The following SIM2 variants were observed in gnomAD, a reference collection of about 807,000 sequenced individuals.
The protein encoded by SIM2 is single-minded homolog 2.
Under a neutral mutation model 64.8 loss-of-function variants are expected in SIM2, and 28 were observed. That is an observed-to-expected ratio of 0.43 (90% confidence interval 0.32 to 0.59). The LOEUF (loss-of-function observed/expected upper bound fraction) is 0.59. SIM2 is among the 20% of genes least tolerant of loss of function. SIM2 has a pLI of 0.07. For missense variants in SIM2, 847 were observed against 871.4 expected, an observed-to-expected ratio of 0.97 and a Z score of 0.35; for synonymous variants, 408 against 391.1, an observed-to-expected ratio of 1.04 and a Z score of -0.51.
chr21:36,729,699 C>T (rs1004626495), intron 6 of SIM2, among the ~76,000 whole-genome samples: 9 of 151,976 alleles, frequency 5.9e-5, no homozygotes. Context: ...GGAATCCCTT[C>T]ATCCCTCTCT....
Position 36,748,069 on chromosome 21 carries a change from G to C in SIM2, c.1981G>C (p.Val661Leu). 2.5e-6 allele frequency: 3 copies of C among 1,205,174 alleles called. No individual in the cohort carries two copies. Among genetic ancestry groups the C allele is most frequent in the Non-Finnish European group, 3.1e-6 (3 of 970,746 alleles). 74.7% of individuals were successfully genotyped at this position (1,205,174 alleles called of 1,614,324 possible). A position where few individuals can be genotyped will look rare whatever the true frequency, so the allele number is the denominator to read the frequency against. The change falls in exon 11 of 11, where the codon GTC (valine) becomes CTC (leucine). Residue 661 changes from valine (V) to leucine (L), a missense_variant. Around this residue, in one of 3 missense-constraint regions of SIM2, gnomAD observed 447 missense variants for 414.6 expected, o/e 1.08. Transcript: ENST00000290399. ...CCTGCCGCACTACCTGGGCGCCTCG[G>C]TCATCATCACCAACGGGAGGTGACC... ...APLPHYLGAS[V>L]IITNGR
chr21:36,735,077 C>T (rs113087316), intron 7 of SIM2, among the ~76,000 whole-genome samples: 204 of 152,290 alleles, frequency 1.3e-3, no homozygotes, highest in South Asian at 2.7e-3. Flanking sequence ...TGGCGCTCAA[C>T]GCCGGGGATA....
Position 36,709,174 on chromosome 21 carries a change from G to T in SIM2, c.182G>T (p.Gly61Val). 6.2e-7 allele frequency: 1 copy of T among 1,608,976 alleles called. No individual in the cohort carries two copies. The highest frequency in any genetic ancestry group is 8.5e-7 in the Non-Finnish European group (1 of 1,178,346). The change falls in exon 2 of 11, where the codon GGA becomes GTA. Residue 61 changes from glycine (G) to valine (V), a missense_variant. By Grantham distance (109) the Gly-to-Val change is moderately radical. This residue lies in a region of SIM2 where 397 missense variants were observed against 439.2 expected (regional missense o/e 0.90). Transcript: ENST00000290399. Reference sequence around the variant, plus strand: ...GCTTTCGTCCCTCGTCCAGGTTTAGGAGACGCGTGGGGACAGCCGAGCCGC... The same window carrying T: ...GCTTTCGTCCCTCGTCCAGGTTTAGTAGACGCGTGGGGACAGCCGAGCCGC... ...KMRAVFPEGL[G>V]DAWGQPSRAG...
In SIM2 at chr21:36,747,993, G is replaced by C. The variant is rs1447265747; in HGVS notation, c.1905G>C (p.Ala635=). 2.2e-5 allele frequency: 24 copies of C among 1,087,590 alleles called. No individual in the cohort carries two copies. The highest frequency in any genetic ancestry group is 2.6e-5 in the Non-Finnish European group (23 of 897,378). The allele number at this position is 1,087,590 out of a possible 1,614,324, so 67.4% of individuals were successfully genotyped here. ...GCGGCCCCGAGGCGGCGACCGGCGCGCTGCGGCTCCGGCACCCGAGCCCCG... is the reference window on the plus strand; with the variant it reads ...GCGGCCCCGAGGCGGCGACCGGCGCCCTGCGGCTCCGGCACCCGAGCCCCG... ...APGGPEAATG[A]LRLRHPSPAA... is the part of the protein sequence containing the mutation. The change falls in exon 11 of 11, where the codon GCG becomes GCC. Residue 635 remains alanine (A), a synonymous_variant. Transcript: ENST00000290399. This position sits in a 1 kb window ranked among gnomAD's most constrained non-coding sequence, Gnocchi z 4.5.
At chr21:36,736,841 CTTT>C in intron 7 of SIM2, among the ~76,000 whole-genome samples, 1 of 69,292 alleles carries the variant, frequency 1.4e-5, no homozygotes, top group South Asian at 5.1e-4. Context: ...CTTTCTTTCT[CTTT>C]CTTTTCTTTC....
Position 36,745,280 on chromosome 21 carries a change from C to CT in SIM2, c.1576+145dup. The CT allele has an allele frequency of 1.4e-6, 2 of 1,458,304 alleles. No homozygotes were observed. 90.3% of individuals were successfully genotyped at this position (1,458,304 alleles called of 1,614,324 possible). On this transcript the variant is annotated intron_variant, in intron 10 of 10. Coordinates refer to ENST00000290399, the MANE Select transcript of SIM2 (RefSeq NM_005069.6). The surrounding 1 kb of genome is among the most constrained non-coding windows in gnomAD (Gnocchi z 4.8). ...TCTTTCTGCTTCTAAGTAGGGCTTGCTGTGCTTTCTTGCTCTCAATGCAGG... is the reference window on the plus strand; with the variant it reads ...TCTTTCTGCTTCTAAGTAGGGCTTGCTTGTGCTTTCTTGCTCTCAATGCAGG...
Position 36,743,523 on chromosome 21 carries a change from A to G in SIM2, c.1135A>G (p.Thr379Ala). The G allele has an allele frequency of 6.2e-7, 1 of 1,614,034 alleles. No individual in the cohort carries two copies. Among genetic ancestry groups the G allele is most frequent in the Non-Finnish European group, 8.5e-7 (1 of 1,179,996 alleles). ...LVKPKNTKMK[T>A]KLRTNPYPPQ... ...GAAACCCAAAAATACCAAGATGAAG[A>G]CAAAGCTGAGAACAAACCCTTACCC... is the stretch of plus-strand genomic sequence containing the variant. Residue 379 changes from threonine to alanine, a missense_variant, in exon 9 of 11, where the codon ACA (threonine) becomes GCA (alanine). Coordinates refer to ENST00000290399, the MANE Select transcript of SIM2 (RefSeq NM_005069.6).
At position 36,738,811 on chromosome 21, in the gene SIM2, T is replaced by C. The variant is rs189816191; in HGVS notation, c.851-2906T>C. ...GAGAAGCATTGTCAGGCTTCTCTCTTTGCCATGGCCTTTGCCTATACCCTT... is the reference window on the plus strand; with the variant it reads ...GAGAAGCATTGTCAGGCTTCTCTCTCTGCCATGGCCTTTGCCTATACCCTT... On this transcript the variant is annotated intron_variant, in intron 7 of 10. Transcript: ENST00000290399. Among the ~76,000 whole-genome samples the C allele has an allele frequency of 2.6e-5, 4 of 152,384 alleles. No homozygotes were observed. In the East Asian group the frequency reaches 7.7e-4, roughly 29 times the overall value.
chr21:36,744,235 T>G (rs1389466567), intron 9 of SIM2, among the ~76,000 whole-genome samples: 1 of 150,976 alleles, frequency 6.6e-6, no homozygotes, highest in African/African-American at 2.4e-5. Context: ...CCATCACTTG[T>G]TCTGTGCCAA....
chr21:36,710,296 G>A (rs536584933), intron 2 of SIM2: 1 of 152,236 alleles, frequency 6.6e-6, no homozygotes, highest in Non-Finnish European at 1.5e-5. Context: ...GGAGCCAGGT[G>A]CTTAGCGCCC....
chr21:36,726,114 C>T lies in SIM2; in HGVS notation c.544-5C>T, dbSNP rs1408052456. 3 of 1,612,666 alleles carry T rather than the reference C, an allele frequency of 1.9e-6. No individual in the cohort carries two copies. The highest frequency in any genetic ancestry group is 2.5e-6 in the Non-Finnish European group (3 of 1,179,532). On this transcript the variant is annotated splice_polypyrimidine_tract_variant and splice_region_variant and intron_variant, in intron 5 of 10. Coordinates refer to ENST00000290399, the MANE Select transcript of SIM2 (RefSeq NM_005069.6). This position sits in a 1 kb window ranked among gnomAD's most constrained non-coding sequence, Gnocchi z 4.5. Reference sequence around the variant, plus strand: ...AGTGGCTGACCCTGCCCTCTCCACTCCCAGGTCATCCACTGCAGTGGCTAC... The same window carrying T: ...AGTGGCTGACCCTGCCCTCTCCACTTCCAGGTCATCCACTGCAGTGGCTAC...
chr21:36,731,909 G>A (rs539325562), intron 7 of SIM2, among the ~76,000 whole-genome samples: 1 of 152,238 alleles, frequency 6.6e-6, no homozygotes, highest in East Asian at 1.9e-4. Flanking sequence ...TTGAGACAGA[G>A]TCTTGTTCTG....
chr21:36,746,316 A>AG (rs2089226905), intron 10 of SIM2: 1 of 152,196 alleles, frequency 6.6e-6, no homozygotes, highest in Non-Finnish European at 1.5e-5. Flanking sequence ...CTGTCTCAAA[A>AG]AAAAAAAAGA....
At chr21:36,716,501 G>T (rs2088748547) in intron 3 of SIM2, among the ~76,000 whole-genome samples, 1 of 152,124 alleles carries the variant, frequency 6.6e-6, no homozygotes, top group Admixed American at 6.5e-5. Flanking sequence ...TTGAAATAAA[G>T]ACAAAAGACA....
rs545064649 is a variant in SIM2 at position 36,730,584 on chromosome 21, C to T, written c.744-461C>T. ...CACAACACTGTGAGTGCACCAAATA[C>T]CACTGAATTGTACACTAGCGCTGGT... On this transcript the variant is annotated intron_variant, in intron 6 of 10. Transcript: ENST00000290399. Among the ~76,000 whole-genome samples, 6 of 152,280 alleles carry T rather than the reference C, an allele frequency of 3.9e-5. No homozygotes were observed. In the South Asian group the frequency reaches 1.2e-3, roughly 32 times the overall value.
At chr21:36,744,077 C>T (rs868199113) in intron 9 of SIM2, among the ~76,000 whole-genome samples, 33 of 152,178 alleles carry the variant, frequency 2.2e-4, no homozygotes, top group African/African-American at 7.5e-4. Flanking sequence ...GGTGATACTC[C>T]ATCTCTATTA....
chr21:36,727,235 A>G (rs543499895), intron 6 of SIM2, among the ~76,000 whole-genome samples: 2 of 152,070 alleles, frequency 1.3e-5, no homozygotes, highest in South Asian at 2.1e-4. Context: ...CGGTTTCACT[A>G]TGTTGGCCAG....
At chr21:36,718,951 C>T (rs1392162968) in intron 3 of SIM2, among the ~76,000 whole-genome samples, 1 of 152,204 alleles carries the variant, frequency 6.6e-6, no homozygotes, top group Non-Finnish European at 1.5e-5. Flanking sequence ...CTCCAGGGAC[C>T]TCTGTGTAAA....
Position 36,749,651 on chromosome 21 carries a change from TGTGA to T in SIM2, c.*1563_*1566del, listed in dbSNP as rs1421311670. The T allele has an allele frequency of 6.6e-6, 1 of 152,182 alleles. No homozygotes were observed. The highest frequency in any genetic ancestry group is 2.4e-5 in the African/African-American group (1 of 41,444). The allele number at this position is 152,182 out of a possible 1,614,324, so 9.4% of individuals were successfully genotyped here. On this transcript the variant is annotated 3_prime_UTR_variant, in exon 11 of 11. Coordinates refer to ENST00000290399, the MANE Select transcript of SIM2 (RefSeq NM_005069.6). ...CAGCTATACCTCATTCACAGCTCCT[TGTGA>T]GTGTGTGCACAGGAAATAAGCCGAG...
Sources: gnomAD v4.1 joint callset for allele counts (sites outside exome capture counted in the v4.1 genomes callset) on GRCh38, gnomAD v4.1.1 for gene constraint, gnomAD v4.1.1 regional missense constraint, Gnocchi (gnomAD v3.1) non-coding constraint, MANE v1.5 for transcripts, NCBI Gene and HGNC (gene_info 2026-07-23, HGNC 2026-07-21) for gene names.